The following KLHL42 variants were observed in gnomAD, a reference collection of about 807,000 sequenced individuals.
KLHL42 encodes kelch like family member 42, also known as kelch-like protein 42.
Under a neutral mutation model 32.7 loss-of-function variants are expected in KLHL42, and 27 were observed. The ratio of observed to expected loss-of-function variants is 0.83; its 90% CI spans 0.61 to 1.14. The LOEUF (loss-of-function observed/expected upper bound fraction) is 1.14. Ranked by LOEUF, KLHL42 falls within the 50% of genes most tolerant of loss-of-function variation. The pLI, the probability that KLHL42 is intolerant of heterozygous loss-of-function variation, is 0.00. For missense variants in KLHL42, 491 were observed against 560.8 expected (o/e 0.88, Z 1.26); for synonymous variants, 267 against 248.2 (o/e 1.08, Z -0.71).
chr12:27,801,508 A>C lies in KLHL42; in HGVS notation c.*3342A>C, dbSNP rs2062247372. 2.0e-5 allele frequency: 3 copies of C among 152,254 alleles called. No homozygotes were observed. The highest frequency in any genetic ancestry group is 6.5e-5 in the Admixed American group (1 of 15,284). 9.4% of individuals were successfully genotyped at this position (152,254 alleles called of 1,614,324 possible). ...TAATGCAGATCACTCAAGAGGCAGC[A>C]TAGCAATGTAAAAGGAATATAAGTA... On this transcript the variant is annotated 3_prime_UTR_variant, in exon 3 of 3. Transcript: ENST00000381271.
rs374126173 is a variant in KLHL42 at position 27,793,911 on chromosome 12, A to G, written c.1066+2010A>G. On this transcript the variant is annotated intron_variant, in intron 2 of 2. Transcript: ENST00000381271. Reference sequence around the variant, plus strand: ...AAGACCCTGTGAGGCCGCAGCAGCCATGGGAACTTCCCAAAGGACAGAAAT... The same window carrying G: ...AAGACCCTGTGAGGCCGCAGCAGCCGTGGGAACTTCCCAAAGGACAGAAAT... 2.6e-5 allele frequency among the ~76,000 whole-genome samples: 4 copies of G among 152,334 alleles called. No individual in the cohort carries two copies. In the East Asian group the frequency reaches 5.8e-4, roughly 22 times the overall value.
In KLHL42 at chr12:27,780,367, G is replaced by C; in HGVS notation, c.37G>C (p.Asp13His). The C allele has an allele frequency of 1.9e-6, 3 of 1,582,772 alleles. No individual in the cohort carries two copies. The highest frequency in any genetic ancestry group is 2.6e-6 in the Non-Finnish European group (3 of 1,167,176). Residue 13 changes from aspartate to histidine, a missense_variant, in exon 1 of 3, where the codon GAC becomes CAC. Physicochemically the swap from Asp to His is moderately conservative, Grantham distance 81. Around this residue, in one of 4 missense-constraint regions of KLHL42, gnomAD observed 88 missense variants for 89.0 expected, o/e 0.99. Transcript: ENST00000381271. The surrounding 1 kb of genome is among the most constrained non-coding windows in gnomAD (Gnocchi z 8.8). ...AEEMVQIRLE[D>H]RCYPVSKRKL... ...GGAGATGGTGCAGATCCGCCTGGAG[G>C]ACCGCTGCTACCCGGTGAGCAAGAG...
At chr12:27,782,909 G>T (rs1449791802) in intron 1 of KLHL42, among the ~76,000 whole-genome samples, 1 of 152,038 alleles carries the variant, frequency 6.6e-6, no homozygotes, top group Non-Finnish European at 1.5e-5. Context: ...ACAGACTTTT[G>T]TTACCTTTAG....
chr12:27,802,863 A>G lies in KLHL42; in HGVS notation c.*4697A>G, dbSNP rs2062254482. 6.6e-6 allele frequency: 1 copy of G among 152,406 alleles called. No individual in the cohort carries two copies. Among genetic ancestry groups the G allele is most frequent in the Non-Finnish European group, 1.5e-5 (1 of 68,044 alleles). The allele number at this position is 152,406 out of a possible 1,614,324, so 9.4% of individuals were successfully genotyped here. A position where few individuals can be genotyped will look rare whatever the true frequency, so the allele number is the denominator to read the frequency against. On this transcript the variant is annotated 3_prime_UTR_variant, in exon 3 of 3. Transcript: ENST00000381271. ...GAATAGTTATGTTTTGATATGACTG[A>G]TACTTTCTTTGTTAAAAGGTTGTAT...
rs879600237 is a variant in KLHL42, at chr12:27,800,181, A to G, written c.*2015A>G. ...GTTGGAGATTAGTTTGCAAATAAGCATATCATATCAAATACAATATTCCAG... is the reference window on the plus strand; with the variant it reads ...GTTGGAGATTAGTTTGCAAATAAGCGTATCATATCAAATACAATATTCCAG... On this transcript the variant is annotated 3_prime_UTR_variant, in exon 3 of 3. Transcript: ENST00000381271. The G allele has an allele frequency of 3.3e-5, 33 of 985,344 alleles. No individual in the cohort carries two copies. The highest frequency in any genetic ancestry group is 7.0e-5 in the African/African-American group (4 of 57,246). The allele number at this position is 985,344 out of a possible 1,614,324, so 61.0% of individuals were successfully genotyped here.
At chr12:27,794,036 G>C (rs1172873552) in intron 2 of KLHL42, among the ~76,000 whole-genome samples, 3 of 152,214 alleles carry the variant, frequency 2.0e-5, no homozygotes, top group African/African-American at 7.2e-5. Context: ...AAGTTAAAAT[G>C]TAAAGTATTT....
intron 2 of KLHL42, 154 bp downstream of exon 2, chr12:27,792,055 T>A (rs1278474900): frequency 1.6e-6 from 1 of 612,800 alleles, no homozygotes; most frequent in African/African-American, 1.8e-5. Context: ...GAGAGTTCCA[T>A]ATGGCAGGGA....
At chr12:27,792,095 C>T in intron 2 of KLHL42, 194 bp downstream of exon 2, 1 of 431,684 alleles carries the variant, frequency 2.3e-6, no homozygotes, top group Middle Eastern at 6.2e-4. Context: ...CTTTTGATAA[C>T]TTTGTGTGAG....
At chr12:27,781,996 A>T (rs2062151476) in intron 1 of KLHL42, among the ~76,000 whole-genome samples, 1 of 152,242 alleles carries the variant, frequency 6.6e-6, no homozygotes, top group Admixed American at 6.5e-5. Context: ...ATATACAGGA[A>T]GAGATGGTAG....
At position 27,780,522 on chromosome 12, in the gene KLHL42, G is replaced by A; in HGVS notation, c.192G>A (p.Leu64=). 1 of 1,523,780 alleles carries A rather than the reference G, an allele frequency of 6.6e-7. No individual in the cohort carries two copies. The highest frequency in any genetic ancestry group is 8.8e-7 in the Non-Finnish European group (1 of 1,140,234). The allele number at this position is 1,523,780 out of a possible 1,614,324, so 94.4% of individuals were successfully genotyped here. The change falls in exon 1 of 3, where the codon CTG becomes CTA. Residue 64 remains leucine (L), a synonymous_variant. Coordinates refer to ENST00000381271, the MANE Select transcript of KLHL42 (RefSeq NM_020782.2). The surrounding 1 kb of genome is among the most constrained non-coding windows in gnomAD (Gnocchi z 8.8). ...GCCTCAGCGCGCCGGGCCTGCGGCT[G>A]GTGCTGGACTTCATCAACGCCGGCG... ...LRGLSAPGLR[L]VLDFINAGGA... is the part of the protein sequence containing the mutation.
Position 27,780,704 on chromosome 12 carries a change from TG to T in KLHL42, c.375del (p.Arg126GlyfsTer56), listed in dbSNP as rs1455870268. ...CTGCTGCAGCTGCTGCTGTCCCAGG[TG>T]CGGCTCAATAACTGCCTGGAGATGT... ...TSLLQLLLSQ[V>X]RLNNCLEMYR... On this transcript the variant is annotated frameshift_variant, in exon 1 of 3. Coordinates refer to ENST00000381271, the MANE Select transcript of KLHL42 (RefSeq NM_020782.2). LOFTEE classifies it high-confidence loss of function. This position sits in a 1 kb window ranked among gnomAD's most constrained non-coding sequence, Gnocchi z 8.8. 6.2e-7 allele frequency: 1 copy of T among 1,610,688 alleles called. No individual in the cohort carries two copies.
Position 27,799,873 on chromosome 12 carries a change from A to G in KLHL42, c.*1707A>G. 3.8e-6 allele frequency: 2 copies of G among 529,658 alleles called. No homozygotes were observed. Among genetic ancestry groups the G allele is most frequent in the Non-Finnish European group, 4.8e-6 (2 of 413,474 alleles). 32.8% of individuals were successfully genotyped at this position (529,658 alleles called of 1,614,324 possible). On this transcript the variant is annotated 3_prime_UTR_variant, in exon 3 of 3. Coordinates refer to ENST00000381271, the MANE Select transcript of KLHL42 (RefSeq NM_020782.2). ...ACCTCTAGTCTACTTACAACTTTGT[A>G]AGGGTTTCTAAGCTATGCCCATTTA...
Position 27,781,213 on chromosome 12 carries a change from C to G in KLHL42, c.872+11C>G. The G allele has an allele frequency of 6.2e-7, 1 of 1,612,390 alleles. No individual in the cohort carries two copies. The highest frequency in any genetic ancestry group is 8.5e-7 in the Non-Finnish European group (1 of 1,179,706). The stretch of plus-strand genomic sequence containing the variant: ...CATGAACCAGAAGAGGTAAGCACCC[C>G]GGCAGAGTGCTGCTGCCTTCTCATT... On this transcript the variant is annotated intron_variant, in intron 1 of 2. Coordinates refer to ENST00000381271, the MANE Select transcript of KLHL42 (RefSeq NM_020782.2).
rs2062142211 is a variant in KLHL42 at position 27,780,590 on chromosome 12, G to T, written c.260G>T (p.Gly87Val). ...CTCCTGGGCCCGCGCGGGGAAAAGG[G>T]CGGCGGGGTGGACGAGGACGAGGAG... ...GWLLGPRGEK[G>V]GGVDEDEEMD... The change falls in exon 1 of 3, where the codon GGC (glycine) becomes GTC (valine). Residue 87 changes from glycine (G) to valine (V), a missense_variant. Coordinates refer to ENST00000381271, the MANE Select transcript of KLHL42 (RefSeq NM_020782.2). The surrounding 1 kb of genome is among the most constrained non-coding windows in gnomAD (Gnocchi z 8.8). 1 of 1,543,086 alleles carries T rather than the reference G, an allele frequency of 6.5e-7. No individual in the cohort carries two copies. The highest frequency in any genetic ancestry group is 1.4e-5 in the African/African-American group (1 of 73,042).
At chr12:27,785,088 A>G (rs888673922) in intron 1 of KLHL42, among the ~76,000 whole-genome samples, 9 of 152,216 alleles carry the variant, frequency 5.9e-5, no homozygotes, top group African/African-American at 1.9e-4. Flanking sequence ...GGTGGGAGTT[A>G]TGATGAAGCT....
In KLHL42 at chr12:27,791,779, A is replaced by T; in HGVS notation, c.944A>T (p.Glu315Val). 6.2e-7 allele frequency: 1 copy of T among 1,614,164 alleles called. No individual in the cohort carries two copies. The highest frequency in any genetic ancestry group is 8.5e-7 in the Non-Finnish European group (1 of 1,180,008). The change falls in exon 2 of 3, where the codon GAG becomes GTG. Residue 315 changes from glutamate (E) to valine (V), a missense_variant. Glu to Val is a moderately radical substitution (Grantham distance 121, BLOSUM62 -2). Transcript: ENST00000381271. ...AIGGQAVSNVECYNPEQDAWN... is the reference protein window; with the variant it reads ...AIGGQAVSNVVCYNPEQDAWN... ...GGAGGGCAGGCCGTTTCTAACGTTG[A>T]GTGTTACAACCCCGAGCAGGATGCG...
At position 27,791,862 on chromosome 12, in the gene KLHL42, A is replaced by T; in HGVS notation, c.1027A>T (p.Lys343Ter). The T allele has an allele frequency of 6.2e-7, 1 of 1,614,138 alleles. No individual in the cohort carries two copies. Among genetic ancestry groups the T allele is most frequent in the Non-Finnish European group, 8.5e-7 (1 of 1,180,012 alleles). Residue 343 changes from lysine (K) to a stop codon, truncating the protein, a stop_gained, in exon 2 of 3, where the codon AAG (lysine) becomes TAG (stop). Coordinates refer to ENST00000381271, the MANE Select transcript of KLHL42 (RefSeq NM_020782.2). LOFTEE classifies it high-confidence loss of function. The part of the protein sequence containing the change: ...PLAEFSACEC[K>*]GKIYVIGGYT... ...GGCTGAGTTCTCTGCCTGTGAGTGT[A>T]AGGGAAAAATTTATGTCATTGGAGG... is the stretch of plus-strand genomic sequence containing the variant.
At chr12:27,795,296 A>C (rs1195944405) in intron 2 of KLHL42, among the ~76,000 whole-genome samples, 1 of 152,172 alleles carries the variant, frequency 6.6e-6, no homozygotes, top group Non-Finnish European at 1.5e-5. Context: ...TAGTTTTTCC[A>C]TGACCCTGGC....
At chr12:27,794,583 C>T (rs941886753) in intron 2 of KLHL42, among the ~76,000 whole-genome samples, 2 of 152,146 alleles carry the variant, frequency 1.3e-5, no homozygotes, top group African/African-American at 4.8e-5. Context: ...GCTCAACCTC[C>T]TGGGTTCAGG....
Sources: gnomAD v4.1 joint callset for allele counts (sites outside exome capture counted in the v4.1 genomes callset) on GRCh38, gnomAD v4.1.1 for gene constraint, gnomAD v4.1.1 regional missense constraint, Gnocchi (gnomAD v3.1) non-coding constraint, MANE v1.5 for transcripts, NCBI Gene and HGNC (gene_info 2026-07-23, HGNC 2026-07-21) for gene names.